NEBL: variants seen among roughly 807,000 people sequenced by gnomAD.
NEBL encodes the protein LIM and SH3 protein 2.
NEBL carries 122 observed loss-of-function variants against 140.2 expected under a neutral mutation model. That is an observed-to-expected ratio of 0.87 (90% CI 0.75 to 1.01). The LOEUF is 1.01. Ranked by LOEUF, NEBL falls within the 50% of genes least tolerant of loss-of-function variation. NEBL has a pLI of 0.00. For synonymous variants in NEBL, 436 were observed against 398.9 expected (o/e 1.09, Z -1.11); for missense variants, 1,365 against 1,231.3 (o/e 1.11, Z -1.62).
Position 20,806,265 on chromosome 10 carries a change from C to G in NEBL, c.2761+2245G>C, listed in dbSNP as rs141486430. Among the ~76,000 whole-genome samples, 1,308 of 151,792 alleles carry G rather than the reference C, an allele frequency of 8.6e-3. 22 individuals carry two copies. The highest frequency in any genetic ancestry group is 0.029 in the African/African-American group (1,210 of 41,356). ...TAGAGGCATCCAAGCAGAGGCCCTC[C>G]GAATTCCTGATCTCTACACAGATTC... On this transcript the variant is annotated intron_variant, in intron 26 of 27. Transcript: ENST00000377122.
intron 4 of NEBL, among the ~76,000 whole-genome samples, chr10:20,952,932 GA>G (rs1589067135): frequency 2.8e-4 from 38 of 134,056 alleles, no homozygotes; most frequent in African/African-American, 9.6e-4. Flanking sequence ...AAAAGAAAAA[GA>G]AAAAAGAAAA....
intron 14 of NEBL, among the ~76,000 whole-genome samples, chr10:20,833,893 C>T (rs574712882): frequency 1.7e-4 from 26 of 152,230 alleles, no homozygotes; most frequent in African/African-American, 6.3e-4. Context: ...TGGATTTAGA[C>T]CACCACTATG....
intron 2 of NEBL, among the ~76,000 whole-genome samples, chr10:21,059,189 C>T (rs865917848): frequency 1.3e-5 from 2 of 152,332 alleles, no homozygotes; most frequent in East Asian, 1.9e-4. Context: ...CCTGCACCTG[C>T]GTCTGTCATT....
intron 9 of NEBL, among the ~76,000 whole-genome samples, chr10:20,855,344 C>T (rs764348006): frequency 1.3e-5 from 2 of 150,494 alleles, no homozygotes; most frequent in Non-Finnish European, 3.0e-5. Flanking sequence ...ATAAAATAAT[C>T]ATGAATGTAA....
intron 26 of NEBL, among the ~76,000 whole-genome samples, chr10:20,801,315 C>A (rs376458172): frequency 6.6e-6 from 1 of 151,898 alleles, no homozygotes; most frequent in African/African-American, 2.4e-5. Flanking sequence ...TGGGTTCAAG[C>A]GATTCTCATG....
chr10:21,032,118 A>G (rs1057225628), intron 2 of NEBL, among the ~76,000 whole-genome samples: 1 of 152,240 alleles, frequency 6.6e-6, no homozygotes, highest in African/African-American at 2.4e-5. Flanking sequence ...ACAAATGAAG[A>G]AATTCTCCCA....
intron 1 of NEBL, 45 bp from the exon 2 acceptor site, chr10:20,897,074 T>C (rs375398750): frequency 6.2e-6 from 10 of 1,601,430 alleles, no homozygotes; most frequent in Non-Finnish European, 8.6e-6. Flanking sequence ...TTTTTCTCAT[T>C]GTCAATTTAG....
At chr10:21,124,741 G>C (rs1838738128) in intron 2 of NEBL, among the ~76,000 whole-genome samples, 1 of 152,184 alleles carries the variant, frequency 6.6e-6, no homozygotes, top group Admixed American at 6.5e-5. Flanking sequence ...TTGCTTGAAG[G>C]CTAGGAGTTT....
intron 4 of NEBL, among the ~76,000 whole-genome samples, chr10:20,943,187 G>A (rs527495720): frequency 6.6e-6 from 1 of 152,104 alleles, no homozygotes; most frequent in African/African-American, 2.4e-5. Flanking sequence ...TTGGAACCAA[G>A]CCAAATGTCC....
At chr10:21,123,464 T>G (rs1169696519) in intron 2 of NEBL, among the ~76,000 whole-genome samples, 1 of 152,194 alleles carries the variant, frequency 6.6e-6, no homozygotes, top group Non-Finnish European at 1.5e-5. Flanking sequence ...ACTGAAGATA[T>G]CAGTAAAAAG....
In NEBL at chr10:20,809,804, A is replaced by G; in HGVS notation, c.2611+2T>C. 1 of 1,596,734 alleles carries G rather than the reference A, an allele frequency of 6.3e-7. No homozygotes were observed. The highest frequency in any genetic ancestry group is 8.6e-7 in the Non-Finnish European group (1 of 1,164,258). Reference sequence around the variant, plus strand: ...TGGGATGAACTAAAAAGTGAGTAATACCAGAGAGCATATGGAGACTTCTAG... The same window carrying G: ...TGGGATGAACTAAAAAGTGAGTAATGCCAGAGAGCATATGGAGACTTCTAG... On this transcript the variant is annotated splice_donor_variant, in intron 25 of 27. Transcript: ENST00000377122. LOFTEE classifies it high-confidence loss of function.
chr10:21,270,476 C>G (rs1423743295), intron 1 of NEBL, among the ~76,000 whole-genome samples: 3 of 151,872 alleles, frequency 2.0e-5, no homozygotes. Context: ...AAGTGATTCT[C>G]CTGCCTCAGC....
At chr10:20,971,234 A>G (rs926071214) in intron 3 of NEBL, among the ~76,000 whole-genome samples, 1 of 152,212 alleles carries the variant, frequency 6.6e-6, no homozygotes, top group Non-Finnish European at 1.5e-5. Flanking sequence ...GCAAAATATT[A>G]TATCTATATT....
At chr10:21,029,224 G>A in intron 2 of NEBL, 1 of 1,478,750 alleles carries the variant, frequency 6.8e-7, no homozygotes, top group South Asian at 1.1e-5. Flanking sequence ...CCTTCCCACT[G>A]CTCCACCGGC....
At chr10:20,843,857 TATTAAAA>T (rs1384663779) in intron 12 of NEBL, among the ~76,000 whole-genome samples, 1 of 152,136 alleles carries the variant, frequency 6.6e-6, no homozygotes, top group East Asian at 1.9e-4. Context: ...TCTTCTAGCT[TATTAAAA>T]ACATCCAATC....
intron 13 of NEBL, among the ~76,000 whole-genome samples, chr10:20,838,026 T>C (rs2130951306): frequency 6.6e-6 from 1 of 152,286 alleles, no homozygotes; most frequent in East Asian, 1.9e-4. Flanking sequence ...TATAAGGATA[T>C]TCATGTTTTC....
chr10:21,159,463 C>T (rs1292302669), intron 2 of NEBL, among the ~76,000 whole-genome samples: 2 of 152,336 alleles, frequency 1.3e-5, no homozygotes, highest in African/African-American at 2.4e-5. Flanking sequence ...ACAGAGACTA[C>T]GTGTTCTAAA....
chr10:21,160,189 G>GAAA (rs527390723), intron 2 of NEBL, among the ~76,000 whole-genome samples: 1 of 142,118 alleles, frequency 7.0e-6, no homozygotes, highest in Non-Finnish European at 1.5e-5. Context: ...ACTGTATAAA[G>GAAA]AAAAAAAAAA....
intron 1 of NEBL, among the ~76,000 whole-genome samples, chr10:21,292,637 A>C (rs1843160676): frequency 6.6e-6 from 1 of 152,208 alleles, no homozygotes; most frequent in African/African-American, 2.4e-5. Context: ...TATTCTTTTA[A>C]AAAGGACTTT....
Sources: gnomAD v4.1 joint callset for allele counts (sites outside exome capture counted in the v4.1 genomes callset) on GRCh38, gnomAD v4.1.1 for gene constraint, MANE v1.5 for transcripts, NCBI Gene and HGNC (gene_info 2026-07-23, HGNC 2026-07-21) for gene names.